Variants in OPN3 observed in about 807,000 individuals in gnomAD.
The protein encoded by OPN3 is opsin 3.
A neutral mutation model predicts 33.8 loss-of-function variants in OPN3; 29 were observed. The observed-to-expected ratio is 0.86, with a 90% confidence interval of 0.64 to 1.17. The LOEUF (loss-of-function observed/expected upper bound fraction) is 1.17, where lower values mean the gene tolerates loss of function less well. OPN3 is among the 50% of genes most tolerant of loss of function. The pLI is 0.00. For missense variants in OPN3, 437 were observed against 514.1 expected (o/e 0.85, Z 1.45); for synonymous variants, 216 against 216.1 (o/e 1.00, Z 0.00).
chr1:241,638,803 G>A (rs751837103), intron 1 of OPN3, among the ~76,000 whole-genome samples: 2 of 152,110 alleles, frequency 1.3e-5, no homozygotes, highest in Non-Finnish European at 2.9e-5. Context: ...ATTTGGGTTT[G>A]TCATAGCATA....
intron 1 of OPN3, among the ~76,000 whole-genome samples, chr1:241,608,844 A>G (rs1344567380): frequency 6.6e-6 from 1 of 152,210 alleles, no homozygotes; most frequent in Non-Finnish European, 1.5e-5. Context: ...TGATAGCATG[A>G]GCATATAACT....
At chr1:241,614,120 A>G (rs1215355862) in intron 1 of OPN3, 1 of 152,234 alleles carries the variant, frequency 6.6e-6, no homozygotes, top group African/African-American at 2.4e-5. Context: ...GTCAGCCGAG[A>G]TCATGCCAAT....
chr1:241,613,032 C>T (rs888664107), intron 1 of OPN3, among the ~76,000 whole-genome samples: 3 of 152,174 alleles, frequency 2.0e-5, no homozygotes, highest in Non-Finnish European at 2.9e-5. Flanking sequence ...TCATATGAAA[C>T]AATATTAAAG....
rs560005191 is a variant in OPN3, at chr1:241,621,314, C to T, written c.374-16735G>A. ...AGACTGGCTCTTTGAAGAAAGAATACAGACAGTCATAAGTCAAGGGACAAC... is the reference window on the plus strand; with the variant it reads ...AGACTGGCTCTTTGAAGAAAGAATATAGACAGTCATAAGTCAAGGGACAAC... On this transcript the variant is annotated intron_variant, in intron 1 of 3. Transcript: ENST00000366554. Among the ~76,000 whole-genome samples the T allele has an allele frequency of 2.0e-5, 3 of 152,102 alleles. No homozygotes were observed. The South Asian group carries it at 6.2e-4, about 32-fold the overall frequency.
intron 2 of OPN3, among the ~76,000 whole-genome samples, chr1:241,599,340 C>A (rs180816281): frequency 1.6e-3 from 240 of 151,708 alleles, no homozygotes; most frequent in African/African-American, 5.4e-3. Flanking sequence ...ACCACTATGC[C>A]AATTACTTTA....
rs1452517181 is a variant in OPN3, at chr1:241,640,139, C to A, written c.116G>T (p.Gly39Val). 6 of 1,584,484 alleles carry A rather than the reference C, an allele frequency of 3.8e-6. No homozygotes were observed. The highest frequency in any genetic ancestry group is 5.1e-6 in the Non-Finnish European group (6 of 1,167,426). ...CAGCAGCGCCAGGCGCTCGTAGGTGCCGGGGCTGAAGAGGGGCGCGGGGCT... is the reference window on the plus strand; with the variant it reads ...CAGCAGCGCCAGGCGCTCGTAGGTGACGGGGCTGAAGAGGGGCGCGGGGCT... ...TLSPAPLFSP[G>V]TYERLALLLG... Residue 39 changes from glycine to valine, a missense_variant, in exon 1 of 4, where the codon GGC becomes GTC. By Grantham distance (109) the Gly-to-Val change is moderately radical (BLOSUM62 -3). Transcript: ENST00000366554.
intron 1 of OPN3, among the ~76,000 whole-genome samples, chr1:241,639,538 G>A (rs989509488): frequency 1.3e-5 from 2 of 151,892 alleles, no homozygotes; most frequent in African/African-American, 2.4e-5. Context: ...GTAAAAAGCC[G>A]TGGTTTCGTG....
chr1:241,639,920 A>G lies in OPN3; in HGVS notation c.335T>C (p.Val112Ala). 1 of 1,603,258 alleles carries G rather than the reference A, an allele frequency of 6.2e-7. No individual in the cohort carries two copies. Among genetic ancestry groups the G allele is most frequent in the Non-Finnish European group, 8.5e-7 (1 of 1,175,346 alleles). Residue 112 changes from valine (V) to alanine (A), a missense_variant, in exon 1 of 4, where the codon GTG becomes GCG. Physicochemically the swap from Val to Ala is moderately conservative, Grantham distance 64. Coordinates refer to ENST00000366554, the MANE Select transcript of OPN3 (RefSeq NM_014322.3). ...GCTAAACCCGTCCCACACGCAGCCC[A>G]CGGTGTCCCACACCCAGCCGTTCCT... ...CLRNGWVWDTVGCVWDGFSGS... is the reference protein window; with the variant it reads ...CLRNGWVWDTAGCVWDGFSGS...
In OPN3 at chr1:241,630,048, T is replaced by C. The variant is rs1432043649; in HGVS notation, c.373+9834A>G. ...AACTGTAGTAAATTTCATACTAATGTCACATATTGGCATTTCTTTGGATGT... is the reference window on the plus strand; with the variant it reads ...AACTGTAGTAAATTTCATACTAATGCCACATATTGGCATTTCTTTGGATGT... On this transcript the variant is annotated intron_variant, in intron 1 of 3. Coordinates refer to ENST00000366554, the MANE Select transcript of OPN3 (RefSeq NM_014322.3). 2.6e-5 allele frequency: 4 copies of C among 152,106 alleles called. No individual in the cohort carries two copies. In the East Asian group the frequency reaches 5.8e-4, roughly 22 times the overall value. 9.4% of individuals were successfully genotyped at this position (152,106 alleles called of 1,614,324 possible).
chr1:241,607,746 G>T, intron 1 of OPN3, among the ~76,000 whole-genome samples: 1 of 143,974 alleles, frequency 6.9e-6, no homozygotes, highest in East Asian at 2.0e-4. Flanking sequence ...AAGGAAGGAA[G>T]GAAGAAAGAA....
intron 1 of OPN3, among the ~76,000 whole-genome samples, chr1:241,608,014 C>T (rs2148004690): frequency 6.6e-6 from 1 of 152,068 alleles, no homozygotes; most frequent in Non-Finnish European, 1.5e-5. Flanking sequence ...ATCTAAAAAC[C>T]TAAAGAAAAT....
At chr1:241,636,722 T>C (rs1169762608) in intron 1 of OPN3, among the ~76,000 whole-genome samples, 2 of 152,140 alleles carry the variant, frequency 1.3e-5, no homozygotes, top group Non-Finnish European at 2.9e-5. Context: ...TACACATGCA[T>C]ATAAGTAATA....
At chr1:241,616,780 T>TC (rs1664143820) in intron 1 of OPN3, among the ~76,000 whole-genome samples, 1 of 151,486 alleles carries the variant, frequency 6.6e-6, no homozygotes, top group Non-Finnish European at 1.5e-5. Context: ...CAATGAAAAA[T>TC]TTTTTTTTCC....
intron 1 of OPN3, among the ~76,000 whole-genome samples, chr1:241,619,894 G>T (rs150626899): frequency 6.6e-6 from 1 of 152,212 alleles, no homozygotes; most frequent in Non-Finnish European, 1.5e-5. Flanking sequence ...TTGCTCTAAC[G>T]TATAGGGCCC....
At chr1:241,598,336 C>T (rs991347421) in intron 2 of OPN3, among the ~76,000 whole-genome samples, 4 of 152,066 alleles carry the variant, frequency 2.6e-5, no homozygotes, top group South Asian at 2.1e-4. Flanking sequence ...GAGAGAGTCA[C>T]GATAAAATGC....
chr1:241,598,026 C>T (rs529413810), intron 2 of OPN3, 29 bp from the exon 3 acceptor site: 1 of 1,599,080 alleles, frequency 6.3e-7, no homozygotes, highest in Admixed American at 1.8e-5. Flanking sequence ...AAGGAAAGGG[C>T]TTAAAAAACA....
At chr1:241,627,791 T>G (rs1470562802) in intron 1 of OPN3, among the ~76,000 whole-genome samples, 1 of 152,162 alleles carries the variant, frequency 6.6e-6, no homozygotes. Flanking sequence ...ATCTGAAAAT[T>G]TTCAGAGGAA....
intron 1 of OPN3, chr1:241,634,929 T>G: frequency 1.2e-6 from 2 of 1,612,870 alleles, no homozygotes; most frequent in Non-Finnish European, 1.7e-6. Context: ...ACATCTGCTC[T>G]GGAACAAGGA....
intron 2 of OPN3, among the ~76,000 whole-genome samples, chr1:241,598,775 GAA>G (rs952901710): frequency 5.3e-5 from 8 of 152,138 alleles, no homozygotes; most frequent in Non-Finnish European, 8.8e-5. Context: ...CACAGGCAAA[GAA>G]TATTTCTGCA....
Sources: gnomAD v4.1 joint callset for allele counts (sites outside exome capture counted in the v4.1 genomes callset) on GRCh38, gnomAD v4.1.1 for gene constraint, MANE v1.5 for transcripts, NCBI Gene and HGNC (gene_info 2026-07-23, HGNC 2026-07-21) for gene names.